Variants in FSCN2 observed in about 807,000 individuals in gnomAD.
The protein encoded by FSCN2 is fascin actin-bundling protein 2, retinal, also known as fascin-2.
In FSCN2, 46 loss-of-function variants were observed where a neutral mutation model predicts 37.8. That is an observed-to-expected ratio of 1.22 (90% CI 0.96 to 1.56). The LOEUF (loss-of-function observed/expected upper bound fraction) is 1.56, where lower values mean the gene tolerates loss of function less well. FSCN2 is among the 40% of genes most tolerant of loss of function. The pLI is 0.00. For missense variants in FSCN2, 844 were observed against 730.4 expected (o/e 1.16, Z -1.79); for synonymous variants, 351 against 309.4 (o/e 1.13, Z -1.41).
At chr17:81,533,507 A>C (rs1343347624) in intron 1 of FSCN2, among the ~76,000 whole-genome samples, 1 of 152,236 alleles carries the variant, frequency 6.6e-6, no homozygotes, top group Non-Finnish European at 1.5e-5. Context: ...CCCTCACGGT[A>C]GTAATGTGGC....
In FSCN2 at chr17:81,536,287, G is replaced by C. The variant is rs1367006449; in HGVS notation, c.1105+20G>C. ...TTGTCGGTGAGCACTCTGCCTGCCA[G>C]GTACTGGGGCAGGGGCTGTCTCCAC... On this transcript the variant is annotated intron_variant, in intron 3 of 4. Coordinates refer to ENST00000417245, the MANE Select transcript of FSCN2 (RefSeq NM_012418.4). The C allele has an allele frequency of 1.3e-6, 2 of 1,586,908 alleles. No homozygotes were observed. Among genetic ancestry groups the C allele is most frequent in the South Asian group, 1.1e-5 (1 of 87,076 alleles).
At chr17:81,516,612 T>G in the FSCN2 span, among the ~76,000 whole-genome samples, 1 of 152,122 alleles carries the variant, frequency 6.6e-6, no homozygotes. Flanking sequence ...GCTGGTTTCC[T>G]GCAACTCGGC....
the FSCN2 span, among the ~76,000 whole-genome samples, chr17:81,518,308 T>C: frequency 1.3e-5 from 2 of 152,020 alleles, no homozygotes; most frequent in African/African-American, 4.8e-5. Flanking sequence ...GCATTGGTTC[T>C]TGGGGCACAG....
chr17:81,529,099 G>A lies in FSCN2; in HGVS notation c.568G>A (p.Asp190Asn), dbSNP rs2032458934. 2 of 1,587,994 alleles carry A rather than the reference G, an allele frequency of 1.3e-6. No homozygotes were observed. The highest frequency in any genetic ancestry group is 1.7e-6 in the Non-Finnish European group (2 of 1,169,116). Residue 190 changes from aspartate to asparagine, a missense_variant, in exon 1 of 5, where the codon GAC becomes AAC. Physicochemically the swap from Asp to Asn is conservative, Grantham distance 23. Coordinates refer to ENST00000417245, the MANE Select transcript of FSCN2 (RefSeq NM_012418.4). The stretch of plus-strand genomic sequence containing the variant: ...CCGACGGTACTGCCTCAAGTCCTGT[G>A]ACAGCCGCTACCTGCGCAGCGACGG... Reference protein sequence around the residue: ...RSRRYCLKSCDSRYLRSDGRL... With the variant: ...RSRRYCLKSCNSRYLRSDGRL...
chr17:81,528,029 G>A (rs892188774), upstream of FSCN2, among the ~76,000 whole-genome samples: 10 of 152,006 alleles, frequency 6.6e-5, no homozygotes, highest in African/African-American at 1.7e-4. Flanking sequence ...AGCCGTGAGC[G>A]TTCCACTGGA....
At chr17:81,528,062 T>G (rs1304552604), upstream of FSCN2, among the ~76,000 whole-genome samples, 1 of 147,096 alleles carries the variant, frequency 6.8e-6, no homozygotes, top group Non-Finnish European at 1.5e-5. Context: ...CCGGAAGGGC[T>G]GGGCCGGGCC....
At chr17:81,532,452 ATGG>A (rs1274872785) in intron 1 of FSCN2, among the ~76,000 whole-genome samples, 1 of 114,124 alleles carries the variant, frequency 8.8e-6, no homozygotes, top group African/African-American at 3.4e-5. Flanking sequence ...GATGATGGTG[ATGG>A]TGGTGGTGAT....
At chr17:81,515,382 G>C in the FSCN2 span, among the ~76,000 whole-genome samples, 1 of 152,254 alleles carries the variant, frequency 6.6e-6, no homozygotes, top group South Asian at 2.1e-4. Flanking sequence ...AGCCGGGAGA[G>C]TCGGCAGCTG....
chr17:81,515,148 T>C, the FSCN2 span, among the ~76,000 whole-genome samples: 63 of 152,154 alleles, frequency 4.1e-4, no homozygotes, highest in Non-Finnish European at 7.8e-4. Context: ...GGGCGAGGCC[T>C]GGAGCCCGCG....
At chr17:81,534,533 C>T (rs908800332) in intron 1 of FSCN2, among the ~76,000 whole-genome samples, 1 of 152,006 alleles carries the variant, frequency 6.6e-6, no homozygotes, top group African/African-American at 2.4e-5. Flanking sequence ...CCGGGGCAGT[C>T]TTGTCCTCCC....
At position 81,528,902 on chromosome 17, in the gene FSCN2, C is replaced by T. The variant is rs1555670656; in HGVS notation, c.371C>T (p.Ala124Val). 2 of 1,584,392 alleles carry T rather than the reference C, an allele frequency of 1.3e-6. No homozygotes were observed. The highest frequency in any genetic ancestry group is 8.6e-7 in the Non-Finnish European group (1 of 1,168,954). ...GACCAGCTGTCCTGCTTCGCCACAGCCGTTTCCCCGGCCGAGCTGTGGACC... is the reference window on the plus strand; with the variant it reads ...GACCAGCTGTCCTGCTTCGCCACAGTCGTTTCCCCGGCCGAGCTGTGGACC... ...TEDQLSCFAT[A>V]VSPAELWTVH... is the part of the protein sequence containing the mutation. The change falls in exon 1 of 5, where the codon GCC becomes GTC. Residue 124 changes from alanine to valine, a missense_variant. Transcript: ENST00000417245.
chr17:81,524,585 G>A (rs1446033297), upstream of FSCN2, among the ~76,000 whole-genome samples: 1 of 152,202 alleles, frequency 6.6e-6, no homozygotes, highest in Non-Finnish European at 1.5e-5. Context: ...TGGTTGGTTG[G>A]CACCTCCGGA....
chr17:81,531,942 GTGA>G (rs548686611), intron 1 of FSCN2, among the ~76,000 whole-genome samples: 88 of 110,862 alleles, frequency 7.9e-4, no homozygotes, highest in South Asian at 1.6e-3. Flanking sequence ...GATGATAATG[GTGA>G]TGATGATGGT....
At chr17:81,535,312 CCCCCACCCCCACCAG>C in intron 2 of FSCN2, 104 bp downstream of exon 2, 1 of 585,306 alleles carries the variant, frequency 1.7e-6, no homozygotes, top group Non-Finnish European at 2.9e-6. Context: ...ATCCCCACCA[CCCCCACCCCCACCAG>C]CCCCATCCCC....
intron 3 of FSCN2, 70 bp downstream of exon 3, chr17:81,536,337 C>G: frequency 6.5e-7 from 1 of 1,530,462 alleles, no homozygotes; most frequent in African/African-American, 1.4e-5. Flanking sequence ...TGCCCAGACA[C>G]CCCATCTCCA....
chr17:81,536,277 C>A lies in FSCN2; in HGVS notation c.1105+10C>A. 1 of 1,592,976 alleles carries A rather than the reference C, an allele frequency of 6.3e-7. No homozygotes were observed. The highest frequency in any genetic ancestry group is 1.1e-5 in the South Asian group (1 of 87,762). The stretch of plus-strand genomic sequence containing the variant: ...ATCAGCGATTTTGTCGGTGAGCACT[C>A]TGCCTGCCAGGTACTGGGGCAGGGG... On this transcript the variant is annotated intron_variant, in intron 3 of 4. Transcript: ENST00000417245.
chr17:81,533,653 C>T (rs1417822117), intron 1 of FSCN2, among the ~76,000 whole-genome samples: 1 of 152,216 alleles, frequency 6.6e-6, no homozygotes, highest in Non-Finnish European at 1.5e-5. Context: ...CACTCATTTG[C>T]CAGAACTGAG....
At position 81,536,278 on chromosome 17, in the gene FSCN2, T is replaced by G. The variant is rs1001684637; in HGVS notation, c.1105+11T>G. On this transcript the variant is annotated intron_variant, in intron 3 of 4. Transcript: ENST00000417245. ...TCAGCGATTTTGTCGGTGAGCACTC[T>G]GCCTGCCAGGTACTGGGGCAGGGGC... 41 of 1,592,562 alleles carry G rather than the reference T, an allele frequency of 2.6e-5. No homozygotes were observed. The highest frequency in any genetic ancestry group is 3.5e-5 in the Non-Finnish European group (41 of 1,170,700).
the FSCN2 span, chr17:81,519,180 C>CGGCT: frequency 2.6e-5 from 4 of 152,350 alleles, no homozygotes; most frequent in Non-Finnish European, 4.4e-5. Flanking sequence ...CGGTCCAGCC[C>CGGCT]GGCTGCACGT....
Sources: allele counts gnomAD v4.1 joint callset (sites outside exome capture counted in the v4.1 genomes callset), GRCh38; gene constraint gnomAD v4.1.1; transcripts MANE v1.5; gene names NCBI Gene and HGNC (gene_info 2026-07-23, HGNC 2026-07-21).